PDS5A: variants seen among roughly 807,000 people sequenced by gnomAD.
PDS5A encodes the protein sister chromatid cohesion protein PDS5 homolog A.
PDS5A carries 42 observed loss-of-function variants against 167.1 expected under a neutral mutation model. That is an observed-to-expected ratio of 0.25 (90% confidence interval 0.20 to 0.33). PDS5A has a LOEUF of 0.33. PDS5A is among the 10% of genes least tolerant of loss of function. PDS5A has a pLI of 1.00. For synonymous variants in PDS5A, 553 were observed against 554.6 expected, an observed-to-expected ratio of 1.00 and a Z score of 0.04; for missense variants, 1,033 against 1,605.9, an observed-to-expected ratio of 0.64 and a Z score of 6.10.
intron 26 of PDS5A, among the ~76,000 whole-genome samples, chr4:39,855,125 G>A (rs1164630024): frequency 1.3e-5 from 2 of 152,242 alleles, no homozygotes; most frequent in East Asian, 3.9e-4. Context: ...ATAATCACCT[G>A]TGCAGAACTC....
At chr4:39,921,475 C>T (rs1328485946) in intron 6 of PDS5A, among the ~76,000 whole-genome samples, 1 of 151,792 alleles carries the variant, frequency 6.6e-6, no homozygotes, top group Non-Finnish European at 1.5e-5. Context: ...GTTGCTCATG[C>T]CTGTAATCTC....
rs1724133222 is a variant in PDS5A at position 39,914,148 on chromosome 4, T to C, written c.877-422A>G. ...CATAAACACACATCAATTAAAGTTT[T>C]GATATACAAATTTGTTTTTTTTTTT... On this transcript the variant is annotated intron_variant, in intron 8 of 32. Coordinates refer to ENST00000303538, the MANE Select transcript of PDS5A (RefSeq NM_001100399.2). Among the ~76,000 whole-genome samples the C allele has an allele frequency of 3.3e-5, 5 of 150,732 alleles. No homozygotes were observed. In the South Asian group the frequency reaches 1.0e-3, roughly 32 times the overall value.
chr4:39,932,308 T>C (rs1433642356), intron 2 of PDS5A: 1 of 152,386 alleles, frequency 6.6e-6, no homozygotes, highest in Non-Finnish European at 1.5e-5. Context: ...ACCATGCTAT[T>C]AGGAATCCCA....
chr4:39,871,795 C>A (rs954179479), intron 21 of PDS5A, among the ~76,000 whole-genome samples: 1 of 152,108 alleles, frequency 6.6e-6, no homozygotes, highest in Admixed American at 6.5e-5. Flanking sequence ...CCTCTGCCTC[C>A]CGGGTTCAAG....
Position 39,869,384 on chromosome 4 carries a change from A to G in PDS5A, c.2505+10T>C. ...AAACATGAAGATTATCAAGGCCTAA[A>G]CAAATTTACCTTTGCTAGTACTTCA... On this transcript the variant is annotated intron_variant, in intron 22 of 32. Coordinates refer to ENST00000303538, the MANE Select transcript of PDS5A (RefSeq NM_001100399.2). The G allele has an allele frequency of 6.5e-7, 1 of 1,543,762 alleles. No homozygotes were observed. Among genetic ancestry groups the G allele is most frequent in the East Asian group, 2.2e-5 (1 of 44,504 alleles).
At chr4:39,855,992 C>G (rs1004492732) in intron 26 of PDS5A, among the ~76,000 whole-genome samples, 6 of 152,020 alleles carry the variant, frequency 3.9e-5, no homozygotes, top group African/African-American at 1.4e-4. Context: ...TCAGTGATCT[C>G]CAAGCAGGAT....
At chr4:39,922,551 A>G in intron 6 of PDS5A, 71 bp downstream of exon 6, 6 of 1,329,478 alleles carry the variant, frequency 4.5e-6, no homozygotes, top group Non-Finnish European at 5.9e-6. Context: ...ATGGCCATAA[A>G]ACAACTGTTC....
At chr4:39,892,006 G>A (rs1298960810) in intron 16 of PDS5A, among the ~76,000 whole-genome samples, 2 of 152,176 alleles carry the variant, frequency 1.3e-5, no homozygotes, top group African/African-American at 4.8e-5. Flanking sequence ...AGCTACTCAG[G>A]AGGCTGAGGT....
At chr4:39,867,082 TACTCATC>T in intron 22 of PDS5A, 85 bp from the exon 23 acceptor site, 1 of 1,015,762 alleles carries the variant, frequency 9.8e-7, no homozygotes, top group Non-Finnish European at 1.4e-6. Context: ...TTAATGAGAT[TACTCATC>T]TCCATCAGCA....
At chr4:39,888,241 CAAAAAAAAAAAAAAA>C (rs34845975) in intron 17 of PDS5A, among the ~76,000 whole-genome samples, 7 of 56,268 alleles carry the variant, frequency 1.2e-4, no homozygotes, top group African/African-American at 4.6e-4. Flanking sequence ...AAGACTCCGG[CAAAAAAAAAAAAAAA>C]AAAAAAAAAG....
chr4:39,975,397 A>C (rs961319281), intron 2 of PDS5A, among the ~76,000 whole-genome samples: 7 of 152,226 alleles, frequency 4.6e-5, no homozygotes, highest in African/African-American at 1.7e-4. Context: ...ACTGGGCTCC[A>C]AGAGCAAGAG....
chr4:39,966,865 GGT>G (rs1361979657), intron 2 of PDS5A, among the ~76,000 whole-genome samples: 3 of 149,006 alleles, frequency 2.0e-5, no homozygotes, highest in African/African-American at 7.4e-5. Context: ...CGGGTGTAGT[GGT>G]GGGTGCCTGT....
At chr4:39,877,873 G>A (rs895832465) in intron 18 of PDS5A, among the ~76,000 whole-genome samples, 1 of 152,036 alleles carries the variant, frequency 6.6e-6, no homozygotes, top group South Asian at 2.1e-4. Context: ...GGGATTACAG[G>A]CGTAAACCAT....
At chr4:39,845,126 T>C (rs1052397026) in intron 29 of PDS5A, among the ~76,000 whole-genome samples, 1 of 152,130 alleles carries the variant, frequency 6.6e-6, no homozygotes, top group Admixed American at 6.6e-5. Flanking sequence ...GAGAATTGCC[T>C]GAACCCAGGA....
At chr4:39,961,196 G>A (rs898296304) in intron 2 of PDS5A, among the ~76,000 whole-genome samples, 1 of 152,278 alleles carries the variant, frequency 6.6e-6, no homozygotes, top group East Asian at 1.9e-4. Flanking sequence ...TCCCTGAAAA[G>A]TATAATCTTG....
intron 2 of PDS5A, among the ~76,000 whole-genome samples, chr4:39,928,370 G>A (rs1725654935): frequency 1.3e-5 from 2 of 152,020 alleles, no homozygotes; most frequent in Non-Finnish European, 2.9e-5. Flanking sequence ...CCATAAACAA[G>A]TATCACCTTC....
chr4:39,897,967 A>G, intron 16 of PDS5A: 1 of 851,274 alleles, frequency 1.2e-6, no homozygotes, highest in Non-Finnish European at 1.4e-6. Flanking sequence ...AATGAAGACA[A>G]AAGTCTAGAT....
chr4:39,893,970 C>A (rs535566706), intron 16 of PDS5A, among the ~76,000 whole-genome samples: 3 of 152,298 alleles, frequency 2.0e-5, no homozygotes, highest in African/African-American at 7.2e-5. Context: ...AGCCACCGCG[C>A]CCAGCCTTTT....
Position 39,839,760 on chromosome 4 carries a change from G to A in PDS5A, c.3658-1552C>T, listed in dbSNP as rs944902254. Reference sequence around the variant, plus strand: ...CACTTCAAGAATATGATTCTGGGGGGGGGGGGCAGGGGAGGAAATAATATC... The same window carrying A: ...CACTTCAAGAATATGATTCTGGGGGAGGGGGGCAGGGGAGGAAATAATATC... On this transcript the variant is annotated intron_variant, in intron 31 of 32. Coordinates refer to ENST00000303538, the MANE Select transcript of PDS5A (RefSeq NM_001100399.2). Among the ~76,000 whole-genome samples, 17 of 147,678 alleles carry A rather than the reference G, an allele frequency of 1.2e-4. 1 individual carries two copies. Among genetic ancestry groups the A allele is most frequent in the Admixed American group, 2.7e-4 (4 of 14,808 alleles).
Sources: allele counts gnomAD v4.1 joint callset (sites outside exome capture counted in the v4.1 genomes callset), GRCh38; gene constraint gnomAD v4.1.1; transcripts MANE v1.5; gene names NCBI Gene and HGNC (gene_info 2026-07-23, HGNC 2026-07-21).